Variants in ESR2 observed in about 807,000 individuals in gnomAD.
ESR2 encodes the protein estrogen receptor beta.
A neutral mutation model predicts 49.6 loss-of-function variants in ESR2; 36 were observed. That is an observed-to-expected ratio of 0.73 (90% CI 0.56 to 0.96). The LOEUF (loss-of-function observed/expected upper bound fraction) is 0.96. Among genes scored for constraint, ESR2 ranks in the 40% least tolerant of loss-of-function variants. The pLI is 0.00. For synonymous variants in ESR2, 320 were observed against 266.1 expected (o/e 1.20, Z -1.97); for missense variants, 714 against 693.0 (o/e 1.03, Z -0.34).
intron 4 of ESR2, 107 bp from the exon 5 acceptor site, chr14:64,260,855 A>G (rs960849942): frequency 4.7e-6 from 5 of 1,070,520 alleles, no homozygotes; most frequent in Non-Finnish European, 6.3e-6. Context: ...ACCAAAGATT[A>G]CTATGGTCGT....
intron 1 of ESR2, among the ~76,000 whole-genome samples, chr14:64,305,410 C>T (rs1489981924): frequency 6.6e-6 from 1 of 152,026 alleles, no homozygotes; most frequent in African/African-American, 2.4e-5. Context: ...GTGGCTCACG[C>T]CTGTAATCCC....
chr14:64,310,110 T>C (rs1377397925), intron 1 of ESR2, among the ~76,000 whole-genome samples: 2 of 149,026 alleles, frequency 1.3e-5, no homozygotes, highest in East Asian at 2.0e-4. Flanking sequence ...TCGTCTCTAC[T>C]AAAAATACAA....
At chr14:64,299,517 A>G (rs1192722658) in intron 1 of ESR2, among the ~76,000 whole-genome samples, 3 of 149,274 alleles carry the variant, frequency 2.0e-5, no homozygotes, top group Non-Finnish European at 4.4e-5. Context: ...CCACCACCAC[A>G]CCCGGCTAAT....
chr14:64,319,571 A>C (rs1274177754), intron 1 of ESR2, among the ~76,000 whole-genome samples: 1 of 152,246 alleles, frequency 6.6e-6, no homozygotes, highest in East Asian at 1.9e-4. Flanking sequence ...AAAATTTAAA[A>C]TTCAACAACT....
At chr14:64,227,758 G>C, downstream of ESR2, 1 of 1,539,722 alleles carries the variant, frequency 6.5e-7, no homozygotes, top group East Asian at 2.3e-5. Context: ...TCTCCAGGGA[G>C]GCCACTGCAG....
At chr14:64,248,505 C>CAAA (rs56108535) in intron 7 of ESR2, among the ~76,000 whole-genome samples, 7 of 87,246 alleles carry the variant, frequency 8.0e-5, no homozygotes, top group East Asian at 3.1e-4. Flanking sequence ...GATCCTGTCT[C>CAAA]AAAAAAAAAA....
intron 2 of ESR2, 134 bp from the exon 3 acceptor site, chr14:64,280,287 G>T: frequency 1.5e-6 from 1 of 671,800 alleles, no homozygotes; most frequent in Non-Finnish European, 2.6e-6. Context: ...ATATATTCCC[G>T]GAAATCTGAT....
At chr14:64,233,459 T>C in intron 8 of ESR2, 136 bp from the exon 9 acceptor site, 2 of 774,982 alleles carry the variant, frequency 2.6e-6, no homozygotes, top group South Asian at 1.8e-5. Context: ...CATTTATCCA[T>C]GGCTCGTGCA....
At chr14:64,248,098 G>A (rs2075904299) in intron 7 of ESR2, among the ~76,000 whole-genome samples, 1 of 152,186 alleles carries the variant, frequency 6.6e-6, no homozygotes, top group African/African-American at 2.4e-5. Context: ...GGTGGCTGAG[G>A]TGGGAGAATC....
At chr14:64,286,364 A>C (rs949535240) in intron 1 of ESR2, among the ~76,000 whole-genome samples, 2 of 150,924 alleles carry the variant, frequency 1.3e-5, no homozygotes, top group Non-Finnish European at 3.0e-5. Flanking sequence ...GCAGTGGTAC[A>C]ATCTTGGCTC....
intron 1 of ESR2, among the ~76,000 whole-genome samples, chr14:64,310,224 G>A (rs1324131674): frequency 6.6e-6 from 1 of 151,624 alleles, no homozygotes; most frequent in Non-Finnish European, 1.5e-5. Context: ...AGTGAGCCAA[G>A]ATCGCGCCAC....
In ESR2 at chr14:64,299,521, G is replaced by C. The variant is rs545202513; in HGVS notation, c.-90-16446C>G. ...ACTACAGGCACCCACCACCACACCCGGCTAATTTTTTTGTATTTTTTTAGT... is the reference window on the plus strand; with the variant it reads ...ACTACAGGCACCCACCACCACACCCCGCTAATTTTTTTGTATTTTTTTAGT... On this transcript the variant is annotated intron_variant, in intron 1 of 8. Coordinates refer to the ESR2 transcript ENST00000358599. Among the ~76,000 whole-genome samples, 4 of 150,400 alleles carry C rather than the reference G, an allele frequency of 2.7e-5. 1 individual carries two copies. The South Asian group carries it at 8.4e-4, about 32-fold the overall frequency.
chr14:64,242,456 A>G (rs2075753332), intron 7 of ESR2, among the ~76,000 whole-genome samples: 2 of 149,242 alleles, frequency 1.3e-5, no homozygotes, highest in Admixed American at 1.3e-4. Context: ...AAAAAAATAT[A>G]TATATATATA....
chr14:64,299,495 G>A (rs1196808645), intron 1 of ESR2, among the ~76,000 whole-genome samples: 3 of 150,348 alleles, frequency 2.0e-5, no homozygotes, highest in Non-Finnish European at 1.5e-5. Flanking sequence ...AAGTAGCTGA[G>A]ACTACAGGCA....
intron 5 of ESR2, among the ~76,000 whole-genome samples, chr14:64,259,595 A>G (rs1341771606): frequency 6.6e-6 from 1 of 152,206 alleles, no homozygotes; most frequent in Non-Finnish European, 1.5e-5. Flanking sequence ...CACTTCAGAT[A>G]TATATTACAA....
rs545667925 is a variant in ESR2, at chr14:64,268,423, C to T, written c.652+372G>A. Among the ~76,000 whole-genome samples, 4 of 152,306 alleles carry T rather than the reference C, an allele frequency of 2.6e-5. No homozygotes were observed. In the South Asian group the frequency reaches 6.2e-4, roughly 24 times the overall value. Reference sequence around the variant, plus strand: ...GAGTTTTAACCATGGACATTTACCACGACTTCATCCTTAGAACTGGACTTT... The same window carrying T: ...GAGTTTTAACCATGGACATTTACCATGACTTCATCCTTAGAACTGGACTTT... On this transcript the variant is annotated intron_variant, in intron 4 of 8. Transcript: ENST00000341099.
chr14:64,231,378 C>A lies in ESR2; in HGVS notation c.*1759G>T, dbSNP rs2098727099. On this transcript the variant is annotated 3_prime_UTR_variant, in exon 9 of 9. Coordinates refer to ENST00000341099, the MANE Select transcript of ESR2 (RefSeq NM_001437.3). ...AGGAGGAAAGAAGCTGACACTAACACTGGTTCCCTGGTTCCTATGAAACCA... is the reference window on the plus strand; with the variant it reads ...AGGAGGAAAGAAGCTGACACTAACAATGGTTCCCTGGTTCCTATGAAACCA... The A allele has an allele frequency of 6.6e-6, 1 of 152,176 alleles. No homozygotes were observed. The highest frequency in any genetic ancestry group is 2.4e-5 in the African/African-American group (1 of 41,434). The allele number at this position is 152,176 out of a possible 1,614,324, so 9.4% of individuals were successfully genotyped here. A position where few individuals can be genotyped will look rare whatever the true frequency, so the allele number is the denominator to read the frequency against.
intron 1 of ESR2, among the ~76,000 whole-genome samples, chr14:64,319,538 T>C (rs1185489552): frequency 6.6e-6 from 1 of 152,128 alleles, no homozygotes; most frequent in Non-Finnish European, 1.5e-5. Context: ...TGATAAAGGA[T>C]TGTTATCCCA....
Position 64,231,887 on chromosome 14 carries a change from T to C in ESR2, c.*1250A>G, listed in dbSNP as rs370180323. 16 of 152,342 alleles carry C rather than the reference T, an allele frequency of 1.1e-4. No homozygotes were observed. The East Asian group carries it at 1.3e-3, about 13-fold the overall frequency. The allele number at this position is 152,342 out of a possible 1,614,324, so 9.4% of individuals were successfully genotyped here. ...CAGAGGTGCCCTTCTTCATGTCCTA[T>C]TTATGTTCCACTTGGAATAAGAACT... is the stretch of plus-strand genomic sequence containing the variant. On this transcript the variant is annotated 3_prime_UTR_variant, in exon 9 of 9. Transcript: ENST00000341099.
Sources: gnomAD v4.1 joint callset for allele counts (sites outside exome capture counted in the v4.1 genomes callset) on GRCh38, gnomAD v4.1.1 for gene constraint, MANE v1.5 for transcripts, NCBI Gene and HGNC (gene_info 2026-07-23, HGNC 2026-07-21) for gene names.